TENM4: variants seen among roughly 807,000 people sequenced by gnomAD.
TENM4 encodes teneurin transmembrane protein 4.
Under a neutral mutation model 243.3 loss-of-function variants are expected in TENM4, and 82 were observed. That is an observed-to-expected ratio of 0.34 (90% confidence interval 0.28 to 0.40). TENM4 has a LOEUF of 0.40. Among genes scored for constraint, TENM4 ranks in the 10% least tolerant of loss-of-function variants. The probability of loss-of-function intolerance (pLI) is 1.00; values close to 1 mark genes in which losing one functional copy is unlikely to be tolerated. For missense variants in TENM4, 3,138 were observed against 3,673.3 expected (o/e 0.85, Z 3.77); for synonymous variants, 1,412 against 1,456.3 (o/e 0.97, Z 0.69).
At chr11:78,754,140 A>C (rs905758305) in intron 19 of TENM4, among the ~76,000 whole-genome samples, 3 of 152,212 alleles carry the variant, frequency 2.0e-5, no homozygotes, top group African/African-American at 7.2e-5. Context: ...CTTGGTTTAC[A>C]GGGGTTGACA....
At chr11:79,030,785 T>C (rs1298643007) in intron 6 of TENM4, among the ~76,000 whole-genome samples, 1 of 152,064 alleles carries the variant, frequency 6.6e-6, no homozygotes, top group Non-Finnish European at 1.5e-5. Flanking sequence ...ACAGTAATTC[T>C]CCTACCAGGA....
intron 6 of TENM4, among the ~76,000 whole-genome samples, chr11:79,028,204 G>A (rs187094599): frequency 1.3e-5 from 2 of 152,272 alleles, no homozygotes; most frequent in East Asian, 3.9e-4. Flanking sequence ...ATAAAGCACT[G>A]AAAACACTGT....
chr11:78,668,976 GGTT>G lies in TENM4; in HGVS notation c.7366_7368del (p.Asn2456del), dbSNP rs770139448. On this transcript the variant is annotated inframe_deletion, in exon 32 of 34. Coordinates refer to ENST00000278550, the MANE Select transcript of TENM4 (RefSeq NM_001098816.3). ...TTGATGTCCTGGGAGTTGCTGATGGGGTTGTTGTTTTTGAACATATAGAGATTA... is the reference window on the plus strand; with the variant it reads ...TTGATGTCCTGGGAGTTGCTGATGGGGTTGTTTTTGAACATATAGAGATTA... The G allele has an allele frequency of 6.2e-6, 10 of 1,613,870 alleles. No individual in the cohort carries two copies. Among genetic ancestry groups the G allele is most frequent in the East Asian group, 2.2e-5 (1 of 44,880 alleles).
chr11:78,840,827 C>T (rs1858242004), intron 12 of TENM4, among the ~76,000 whole-genome samples: 1 of 152,202 alleles, frequency 6.6e-6, no homozygotes, highest in Admixed American at 6.5e-5. Flanking sequence ...GAGCATGATT[C>T]TTCAGGCAGA....
intron 12 of TENM4, among the ~76,000 whole-genome samples, chr11:78,852,422 T>C (rs1486808889): frequency 6.6e-6 from 1 of 152,128 alleles, no homozygotes; most frequent in African/African-American, 2.4e-5. Context: ...TGGTGGCTCA[T>C]GCCTGTAACC....
At chr11:79,182,579 T>C (rs1863305034) in intron 3 of TENM4, among the ~76,000 whole-genome samples, 1 of 152,098 alleles carries the variant, frequency 6.6e-6, no homozygotes, top group Non-Finnish European at 1.5e-5. Context: ...AAGCTAGATA[T>C]TAAAATTAAA....
chr11:78,676,113 T>G lies in TENM4; in HGVS notation c.5496+39A>C, dbSNP rs952282359. On this transcript the variant is annotated intron_variant, in intron 30 of 33. Coordinates refer to ENST00000278550, the MANE Select transcript of TENM4 (RefSeq NM_001098816.3). The stretch of plus-strand genomic sequence containing the variant: ...CCCCGTTCTCCCGTTCCCCATTCTT[T>G]CCCCCCAGGACGCAGCCACCTCCAG... 6.3e-6 allele frequency: 9 copies of G among 1,432,570 alleles called. No individual in the cohort carries two copies. In the South Asian group the frequency reaches 1.2e-4, roughly 19 times the overall value. The allele number at this position is 1,432,570 out of a possible 1,614,324, so 88.7% of individuals were successfully genotyped here. A position where few individuals can be genotyped will look rare whatever the true frequency, so the allele number is the denominator to read the frequency against.
intron 6 of TENM4, among the ~76,000 whole-genome samples, chr11:78,980,331 G>C (rs1857762996): frequency 6.6e-6 from 1 of 152,196 alleles, no homozygotes; most frequent in African/African-American, 2.4e-5. Flanking sequence ...CCGTTTCAGA[G>C]ATAAGGAAAA....
chr11:79,238,129 C>A (rs1864514364), intron 2 of TENM4, among the ~76,000 whole-genome samples: 1 of 152,162 alleles, frequency 6.6e-6, no homozygotes. Flanking sequence ...GATTAATATG[C>A]ACTCACGGTT....
intron 3 of TENM4, among the ~76,000 whole-genome samples, chr11:79,214,949 G>C (rs1308914439): frequency 6.6e-6 from 1 of 152,210 alleles, no homozygotes; most frequent in Non-Finnish European, 1.5e-5. Flanking sequence ...AAGCCACTAG[G>C]ATTCTGGAGT....
intron 20 of TENM4, among the ~76,000 whole-genome samples, chr11:78,736,378 C>T (rs1855792944): frequency 6.6e-6 from 1 of 151,918 alleles, no homozygotes; most frequent in African/African-American, 2.4e-5. Flanking sequence ...ATCTCTTTGG[C>T]TAACTTCTCT....
intron 1 of TENM4, among the ~76,000 whole-genome samples, chr11:79,404,287 C>T (rs1254774285): frequency 6.6e-6 from 1 of 152,216 alleles, no homozygotes; most frequent in Non-Finnish European, 1.5e-5. Flanking sequence ...GGGATTCAGT[C>T]CACTTATTCA....
chr11:78,918,779 A>G (rs1393943140), intron 6 of TENM4, among the ~76,000 whole-genome samples: 2 of 152,100 alleles, frequency 1.3e-5, no homozygotes, highest in Non-Finnish European at 2.9e-5. Context: ...TTTCTTTTTA[A>G]ATAAGGAAGT....
In TENM4 at chr11:79,281,074, T is replaced by G. The variant is rs1856148989; in HGVS notation, c.-265+16414A>C. ...AAAAACACTGGGCTGTCTTTAGGCGTCAAATGATGGCGTTACGCTCTGCAT... is the reference window on the plus strand; with the variant it reads ...AAAAACACTGGGCTGTCTTTAGGCGGCAAATGATGGCGTTACGCTCTGCAT... On this transcript the variant is annotated intron_variant, in intron 2 of 33. Coordinates refer to ENST00000278550, the MANE Select transcript of TENM4 (RefSeq NM_001098816.3). Among the ~76,000 whole-genome samples, 4 of 152,216 alleles carry G rather than the reference T, an allele frequency of 2.6e-5. No homozygotes were observed. In the South Asian group the frequency reaches 8.3e-4, roughly 32 times the overall value.
intron 3 of TENM4, among the ~76,000 whole-genome samples, chr11:79,177,786 G>A (rs1204749306): frequency 6.6e-6 from 1 of 152,160 alleles, no homozygotes; most frequent in East Asian, 1.9e-4. Flanking sequence ...AGGCAGGTGT[G>A]GCTAGACAAA....
intron 1 of TENM4, among the ~76,000 whole-genome samples, chr11:79,405,924 A>G (rs920345560): frequency 6.6e-6 from 1 of 150,616 alleles, no homozygotes; most frequent in Non-Finnish European, 1.5e-5. Context: ...GGAACTCCGG[A>G]TGGGCGAGAA....
chr11:79,369,249 G>A (rs909858964), intron 1 of TENM4, among the ~76,000 whole-genome samples: 1 of 152,184 alleles, frequency 6.6e-6, no homozygotes, highest in Non-Finnish European at 1.5e-5. Flanking sequence ...ATGCTTAAGA[G>A]CCTGGGCAAG....
chr11:79,239,279 G>A (rs185993012), intron 2 of TENM4, among the ~76,000 whole-genome samples: 2 of 152,322 alleles, frequency 1.3e-5, no homozygotes, highest in Admixed American at 6.5e-5. Context: ...ACGACAGGAA[G>A]CAATATGCTT....
At chr11:78,868,202 C>T (rs1859034460) in intron 9 of TENM4, among the ~76,000 whole-genome samples, 1 of 151,996 alleles carries the variant, frequency 6.6e-6, no homozygotes, top group South Asian at 2.1e-4. Flanking sequence ...TGAACGGTAA[C>T]TACTCATCAT....
Sources: allele counts gnomAD v4.1 joint callset (sites outside exome capture counted in the v4.1 genomes callset), GRCh38; gene constraint gnomAD v4.1.1; transcripts MANE v1.5; gene names NCBI Gene and HGNC (gene_info 2026-07-23, HGNC 2026-07-21).